Variants in WDR70 observed in about 807,000 individuals in gnomAD.
WDR70 encodes the protein WD repeat-containing protein 70.
WDR70 carries 53 observed loss-of-function variants against 88.6 expected under a neutral mutation model. The observed-to-expected ratio is 0.60, with a 90% CI of 0.48 to 0.75. The LOEUF is 0.75. Among genes scored for constraint, WDR70 ranks in the 30% least tolerant of loss-of-function variants. The pLI is 0.00. For missense variants in WDR70, 610 were observed against 823.2 expected (o/e 0.74, Z 3.17); for synonymous variants, 280 against 270.0 (o/e 1.04, Z -0.36).
chr5:37,556,214 T>A (rs1742291795), intron 9 of WDR70, among the ~76,000 whole-genome samples: 1 of 151,854 alleles, frequency 6.6e-6, no homozygotes, highest in Admixed American at 6.6e-5. Context: ...GAAAAAATAG[T>A]CCCACTTTCC....
intron 9 of WDR70, among the ~76,000 whole-genome samples, chr5:37,525,360 A>T (rs1432176255): frequency 6.6e-6 from 1 of 152,242 alleles, no homozygotes; most frequent in Non-Finnish European, 1.5e-5. Context: ...GAAACTGAAC[A>T]ACCTGCTCCT....
intron 7 of WDR70, among the ~76,000 whole-genome samples, chr5:37,461,935 C>G (rs961383417): frequency 6.6e-6 from 1 of 152,148 alleles, no homozygotes. Flanking sequence ...GCTTTGAGAA[C>G]GAACCACCCA....
chr5:37,727,598 C>G (rs1176301500), intron 17 of WDR70, among the ~76,000 whole-genome samples: 5 of 152,194 alleles, frequency 3.3e-5, no homozygotes, highest in African/African-American at 1.2e-4. Context: ...TATTTAGAGT[C>G]AGGATCTTGA....
At chr5:37,508,993 CCTTT>C (rs576667586) in intron 8 of WDR70, among the ~76,000 whole-genome samples, 98 of 152,172 alleles carry the variant, frequency 6.4e-4, no homozygotes, top group African/African-American at 1.1e-3. Flanking sequence ...GTTCTTCCTT[CCTTT>C]AAGTTACCAA....
At position 37,429,670 on chromosome 5, in the gene WDR70, T is replaced by A. The variant is rs1287370652; in HGVS notation, c.493-8252T>A. ...TATGTGTGGGTTAATTTCTGATTTG[T>A]TTATTTCATTGATATGCATGGCCAT... On this transcript the variant is annotated intron_variant, in intron 5 of 17. Transcript: ENST00000265107. 2.0e-5 allele frequency among the ~76,000 whole-genome samples: 3 copies of A among 152,320 alleles called. No individual in the cohort carries two copies. The East Asian group carries it at 5.8e-4, about 29-fold the overall frequency.
chr5:37,554,678 G>GCACACACACACACACACACACGCA (rs1742246574), intron 9 of WDR70, among the ~76,000 whole-genome samples: 1 of 147,670 alleles, frequency 6.8e-6, no homozygotes, highest in African/African-American at 2.5e-5. Context: ...GCACCTGCAC[G>GCACACACACACACACACACACGCA]CACACACACA....
In WDR70 at chr5:37,693,135, C is replaced by T. The variant is rs189089358; in HGVS notation, c.1093-4520C>T. 2.2e-3 allele frequency among the ~76,000 whole-genome samples: 337 copies of T among 152,184 alleles called. 1 individual carries two copies. The highest frequency in any genetic ancestry group is 3.1e-3 in the Non-Finnish European group (210 of 68,018). On this transcript the variant is annotated intron_variant, in intron 10 of 17. Coordinates refer to ENST00000265107, the MANE Select transcript of WDR70 (RefSeq NM_018034.4). ...CAATTGCTACAAAGAGAATAAAATA[C>T]CTGGGAATCCAACTTACAAGGGATG...
chr5:37,383,594 T>C (rs1001340888), intron 3 of WDR70, among the ~76,000 whole-genome samples: 19 of 140,852 alleles, frequency 1.3e-4, no homozygotes, highest in Non-Finnish European at 4.6e-5. Flanking sequence ...ATTGTTATTT[T>C]TTTGAGATGG....
chr5:37,424,306 A>G (rs1336829321), intron 5 of WDR70, among the ~76,000 whole-genome samples: 2 of 151,118 alleles, frequency 1.3e-5, no homozygotes, highest in Non-Finnish European at 2.9e-5. Context: ...GTAATACTAA[A>G]TATAATTATA....
chr5:37,667,844 G>GAAAAA (rs70978835), intron 10 of WDR70, among the ~76,000 whole-genome samples: 1 of 82,748 alleles, frequency 1.2e-5, no homozygotes, highest in African/African-American at 6.8e-5. Context: ...TGTACGATCT[G>GAAAAA]AAAAAAAAAA....
At chr5:37,702,903 T>C (rs1261242098) in intron 12 of WDR70, 46 bp from the exon 13 acceptor site, 1 of 1,572,782 alleles carries the variant, frequency 6.4e-7, no homozygotes, top group Non-Finnish European at 8.7e-7. Context: ...TGCTGGACTG[T>C]TGTGGAGGTC....
chr5:37,536,717 T>C (rs1741676450), intron 9 of WDR70, among the ~76,000 whole-genome samples: 1 of 152,136 alleles, frequency 6.6e-6, no homozygotes, highest in Admixed American at 6.5e-5. Context: ...TATTAATATA[T>C]TTTCTGATGT....
chr5:37,580,261 G>A (rs1743181045), intron 9 of WDR70, among the ~76,000 whole-genome samples: 1 of 152,138 alleles, frequency 6.6e-6, no homozygotes, highest in Non-Finnish European at 1.5e-5. Context: ...GAAAGCTTTG[G>A]CTTACATTTT....
chr5:37,416,246 C>T (rs931765430), intron 5 of WDR70, among the ~76,000 whole-genome samples: 27 of 152,314 alleles, frequency 1.8e-4, no homozygotes, highest in African/African-American at 5.1e-4. Flanking sequence ...AACGAGACTC[C>T]GTCTGCAATC....
intron 5 of WDR70, among the ~76,000 whole-genome samples, chr5:37,417,520 C>T (rs892190250): frequency 6.9e-6 from 1 of 144,158 alleles, no homozygotes; most frequent in South Asian, 2.3e-4. Context: ...TCACTGCACC[C>T]GGCCACCACC....
At chr5:37,437,769 G>C (rs1320810425) in intron 5 of WDR70, among the ~76,000 whole-genome samples, 153 bp from the exon 6 acceptor site, 1 of 151,998 alleles carries the variant, frequency 6.6e-6, no homozygotes, top group Non-Finnish European at 1.5e-5. Flanking sequence ...GTAGAAAAAA[G>C]ATACTCTCAC....
In WDR70 at chr5:37,480,058, T is replaced by C. The variant is rs748981010; in HGVS notation, c.840+71T>C. On this transcript the variant is annotated intron_variant, in intron 8 of 17. Transcript: ENST00000265107. ...TTATTAACAACTATTTGAGTTATCA[T>C]GTAATAATTTTCCCCAAAAGTTAGT... is the stretch of plus-strand genomic sequence containing the variant. 3 of 1,523,330 alleles carry C rather than the reference T, an allele frequency of 2.0e-6. No homozygotes were observed. The Admixed American group carries it at 6.3e-5, about 32-fold the overall frequency. The allele number at this position is 1,523,330 out of a possible 1,614,324, so 94.4% of individuals were successfully genotyped here.
chr5:37,591,000 G>A (rs1426632023), intron 9 of WDR70, among the ~76,000 whole-genome samples: 1 of 152,166 alleles, frequency 6.6e-6, no homozygotes, highest in Non-Finnish European at 1.5e-5. Context: ...TAACCAATTT[G>A]AGAAGACAAA....
intron 7 of WDR70, among the ~76,000 whole-genome samples, chr5:37,464,843 C>G (rs1302974263): frequency 2.0e-5 from 3 of 152,148 alleles, no homozygotes; most frequent in Non-Finnish European, 4.4e-5. Context: ...AGTACAGAAG[C>G]CTGCCAAGAG....
Sources: allele counts gnomAD v4.1 joint callset (sites outside exome capture counted in the v4.1 genomes callset), GRCh38; gene constraint gnomAD v4.1.1; transcripts MANE v1.5; gene names NCBI Gene and HGNC (gene_info 2026-07-23, HGNC 2026-07-21).